The following KCNH2 variants were observed in gnomAD, a reference collection of about 807,000 sequenced individuals.
KCNH2 encodes voltage-gated inwardly rectifying potassium channel KCNH2.
KCNH2 carries 35 observed loss-of-function variants against 95.9 expected under a neutral mutation model. The observed-to-expected ratio is 0.37, with a 90% CI of 0.28 to 0.48. The LOEUF (loss-of-function observed/expected upper bound fraction) is 0.48, where lower values mean the gene tolerates loss of function less well. Ranked by LOEUF, KCNH2 falls within the 20% of genes least tolerant of loss-of-function variation. The pLI, the probability that KCNH2 is intolerant of heterozygous loss-of-function variation, is 0.99. For missense variants in KCNH2, 1,274 were observed against 1,702.9 expected, an observed-to-expected ratio of 0.75 and a Z score of 4.43; for synonymous variants, 786 against 754.7, an observed-to-expected ratio of 1.04 and a Z score of -0.68.
rs887948624 is a variant in KCNH2, at chr7:150,962,586, G to A, written c.308-2850C>T. ...AACTCTAGGTATACGCCACCTCACA[G>A]CACAAGCCTGTAACTCACACTTACA... On this transcript the variant is annotated intron_variant, in intron 2 of 14. Coordinates refer to ENST00000262186, the MANE Select transcript of KCNH2 (RefSeq NM_000238.4). This position sits in a 1 kb window ranked among gnomAD's most constrained non-coding sequence, Gnocchi z 5.7. Among the ~76,000 whole-genome samples the A allele has an allele frequency of 6.7e-6, 1 of 148,918 alleles. No individual in the cohort carries two copies. Among genetic ancestry groups the A allele is most frequent in the African/African-American group, 2.5e-5 (1 of 40,626 alleles).
chr7:150,975,087 C>G (rs1363462621), intron 1 of KCNH2, 146 bp from the exon 2 acceptor site: 7 of 696,116 alleles, frequency 1.0e-5, no homozygotes, highest in Middle Eastern at 4.0e-4. Context: ...CAGCAGGGGG[C>G]GAACGCAGCT....
chr7:150,957,936 A>T (rs1244344547), intron 4 of KCNH2, 123 bp downstream of exon 4: 4 of 721,496 alleles, frequency 5.5e-6, no homozygotes, highest in Non-Finnish European at 8.1e-6. Flanking sequence ...GCTTAATGGG[A>T]TTTCCATCTC....
chr7:150,955,506 A>C lies in KCNH2; in HGVS notation c.1128+1785T>G, dbSNP rs1419747077. The C allele has an allele frequency of 1.9e-6, 3 of 1,544,094 alleles. No individual in the cohort carries two copies. The Admixed American group carries it at 5.9e-5, about 30-fold the overall frequency. On this transcript the variant is annotated intron_variant, in intron 5 of 14. Transcript: ENST00000262186. Reference sequence around the variant, plus strand: ...GCCTTCCCGGCTGGGGCCGCCATGGAGGACTTGGCTCCCTGCAGCCTGCCT... The same window carrying C: ...GCCTTCCCGGCTGGGGCCGCCATGGCGGACTTGGCTCCCTGCAGCCTGCCT...
chr7:150,946,968 G>A lies in KCNH2; in HGVS notation c.3239C>T (p.Ala1080Val). Residue 1080 changes from alanine to valine, a missense_variant, in exon 14 of 15, where the codon GCT (alanine) becomes GTT (valine). By Grantham distance (64) the Ala-to-Val change is moderately conservative. Transcript: ENST00000262186. This position sits in a 1 kb window ranked among gnomAD's most constrained non-coding sequence, Gnocchi z 6.5. ...GGGGCCAGGCCCCGGGGTGGTCACA[G>A]CACTGTAGGCGGGCGGGACCAGCGT... ...QMTLVPPAYS[A>V]VTTPGPGPTS... is the part of the protein sequence containing the mutation. 6.2e-7 allele frequency: 1 copy of A among 1,609,496 alleles called. No individual in the cohort carries two copies. Among genetic ancestry groups the A allele is most frequent in the Non-Finnish European group, 8.5e-7 (1 of 1,176,872 alleles).
At chr7:150,976,730 A>ACT (rs762652126) in intron 1 of KCNH2, among the ~76,000 whole-genome samples, 5,333 of 132,386 alleles carry the variant, frequency 0.04, 131 homozygotes, top group Middle Eastern at 0.056. Context: ...AGAATCCAGC[A>ACT]CCCCCCCCCA....
intron 13 of KCNH2, 116 bp downstream of exon 13, chr7:150,947,212 G>T: frequency 1.7e-6 from 2 of 1,147,628 alleles, no homozygotes; most frequent in Non-Finnish European, 2.4e-6. Context: ...AGGAATGGAA[G>T]AAGGGGATCC....
Position 150,951,773 on chromosome 7 carries a change from A to G in KCNH2, c.1620T>C (p.Asp540=). 1 of 1,602,584 alleles carries G rather than the reference A, an allele frequency of 6.2e-7. No homozygotes were observed. The highest frequency in any genetic ancestry group is 2.2e-5 in the East Asian group (1 of 44,592). Residue 540 remains aspartate, a synonymous_variant, in exon 7 of 15, where the codon GAT becomes GAC. Transcript: ENST00000262186. Reference sequence around the variant, plus strand: ...CGGCCGCGCCGTACTCTGAGTAGCGATCCAGCTTCCGCGCCACGCGCACCA... The same window carrying G: ...CGGCCGCGCCGTACTCTGAGTAGCGGTCCAGCTTCCGCGCCACGCGCACCA... ...LRLVRVARKL[D]RYSEYGAAVL...
chr7:150,953,565 GACAC>G lies in KCNH2; in HGVS notation c.1129-716_1129-713del, dbSNP rs376679130. ...GTGCACACAGGGACTGCTCAGCAGTGACACACACAGCCCCTGTACCAGCTCACAC... is the reference window on the plus strand; with the variant it reads ...GTGCACACAGGGACTGCTCAGCAGTGACACAGCCCCTGTACCAGCTCACAC... On this transcript the variant is annotated intron_variant, in intron 5 of 14. Coordinates refer to ENST00000262186, the MANE Select transcript of KCNH2 (RefSeq NM_000238.4). Among the ~76,000 whole-genome samples, 905 of 152,244 alleles carry G rather than the reference GACAC, an allele frequency of 5.9e-3. 11 individuals carry two copies. Among genetic ancestry groups the G allele is most frequent in the African/African-American group, 0.021 (857 of 41,542 alleles).
chr7:150,946,904 G>T lies in KCNH2; in HGVS notation c.3303C>A (p.Pro1101=). ...GAGAAAGCGAGTCCAAGGTGAGGGTGGGGAGGGGGCTGACGGGCAACAGCG... is the reference window on the plus strand; with the variant it reads ...GAGAAAGCGAGTCCAAGGTGAGGGTTGGGAGGGGGCTGACGGGCAACAGCG... ...TSPLLPVSPL[P]TLTLDSLSQV... The change falls in exon 14 of 15, where the codon CCC becomes CCA. Residue 1101 remains proline, a synonymous_variant. Transcript: ENST00000262186. This position sits in a 1 kb window ranked among gnomAD's most constrained non-coding sequence, Gnocchi z 6.5. The T allele has an allele frequency of 6.3e-7, 1 of 1,599,258 alleles. No homozygotes were observed. The highest frequency in any genetic ancestry group is 8.5e-7 in the Non-Finnish European group (1 of 1,170,046).
chr7:150,962,627 CAGAGAG>C lies in KCNH2; in HGVS notation c.308-2897_308-2892del, dbSNP rs41307331. Among the ~76,000 whole-genome samples the C allele has an allele frequency of 2.1e-5, 3 of 146,264 alleles. No homozygotes were observed. The highest frequency in any genetic ancestry group is 2.2e-4 in the South Asian group (1 of 4,548). ...CACACTTACACACACACACGAGAGA[CAGAGAG>C]AGAGAGAGAGAGAGAGAGAGGAGTG... On this transcript the variant is annotated intron_variant, in intron 2 of 14. Transcript: ENST00000262186. This position sits in a 1 kb window ranked among gnomAD's most constrained non-coding sequence, Gnocchi z 5.7.
Position 150,958,500 on chromosome 7 carries a change from G to A in KCNH2, c.475C>T (p.Arg159Cys), listed in dbSNP as rs1212253240. 2.0e-6 allele frequency: 3 copies of A among 1,475,674 alleles called. No homozygotes were observed. The highest frequency in any genetic ancestry group is 1.8e-6 in the Non-Finnish European group (2 of 1,120,058). The allele number at this position is 1,475,674 out of a possible 1,614,324, so 91.4% of individuals were successfully genotyped here. A position where few individuals can be genotyped will look rare whatever the true frequency, so the allele number is the denominator to read the frequency against. The change falls in exon 4 of 15, where the codon CGC becomes TGC. Residue 159 changes from arginine (R) to cysteine (C), a missense_variant and splice_region_variant. This residue lies in a region of KCNH2 where 392 missense variants were observed against 429.9 expected (regional missense o/e 0.91). Transcript: ENST00000262186. The part of the protein sequence containing the change: ...GPPTSWLAPG[R>C]AKTFRLKLPA... ...AGCTTCAGGCGGAAGGTCTTGGCGC[G>A]GCCTGCGGGAGAGGAGAGGCACGTG...
intron 2 of KCNH2, among the ~76,000 whole-genome samples, chr7:150,960,145 C>T (rs1226885285): frequency 8.1e-6 from 1 of 123,178 alleles, no homozygotes; most frequent in African/African-American, 3.4e-5. Flanking sequence ...CTTAAGCCCA[C>T]AGACTTTAGG....
At position 150,950,932 on chromosome 7, in the gene KCNH2, C is replaced by G; in HGVS notation, c.2134G>C (p.Asp712His). Residue 712 changes from aspartate to histidine, a missense_variant, in exon 8 of 15, where the codon GAC (aspartate) becomes CAC (histidine). Physicochemically the swap from Asp to His is moderately conservative, Grantham distance 81. Coordinates refer to ENST00000262186, the MANE Select transcript of KCNH2 (RefSeq NM_000238.4). Reference protein sequence around the residue: ...QHAWSYTNGIDMNAVLKGFPE... With the variant: ...QHAWSYTNGIHMNAVLKGFPE... ...TCTGGTGGCCTCACCGCGTTCATGT[C>G]GATGCCGTTGGTGTAGGACCAGGCG... The G allele has an allele frequency of 6.2e-7, 1 of 1,614,154 alleles. No homozygotes were observed. The highest frequency in any genetic ancestry group is 8.5e-7 in the Non-Finnish European group (1 of 1,180,020).
chr7:150,955,661 G>A, intron 5 of KCNH2: 3 of 1,406,646 alleles, frequency 2.1e-6, no homozygotes, highest in Non-Finnish European at 2.8e-6. Context: ...GGTGGTTGTG[G>A]CTGGGCCCCA....
intron 2 of KCNH2, among the ~76,000 whole-genome samples, chr7:150,967,351 A>T (rs1026039139): frequency 6.6e-6 from 1 of 152,380 alleles, no homozygotes; most frequent in South Asian, 2.1e-4. Context: ...GTCAGCCTTT[A>T]AAAAACAGAA....
In KCNH2 at chr7:150,958,265, G is replaced by T. The variant is rs1554427821; in HGVS notation, c.710C>A (p.Pro237His). Residue 237 changes from proline to histidine, a missense_variant, in exon 4 of 15, where the codon CCC (proline) becomes CAC (histidine). This residue lies in a region of KCNH2 where 392 missense variants were observed against 429.9 expected (regional missense o/e 0.91). Transcript: ENST00000262186. ...GGGCGCGCTGCGGGGCGGAGAGCCG[G>T]GACCCACCAGCGCACGCCGCTCCTC... ...PAEERRALVG[P>H]GSPPRSAPGQ... is the part of the protein sequence containing the mutation. The T allele has an allele frequency of 6.9e-7, 1 of 1,446,202 alleles. No homozygotes were observed. Among genetic ancestry groups the T allele is most frequent in the Non-Finnish European group, 9.1e-7 (1 of 1,102,914 alleles). 89.6% of individuals were successfully genotyped at this position (1,446,202 alleles called of 1,614,324 possible).
chr7:150,977,788 T>A, intron 1 of KCNH2, 50 bp downstream of exon 1: 2 of 1,107,416 alleles, frequency 1.8e-6, no homozygotes, highest in Non-Finnish European at 2.5e-6. Context: ...TCGGAAGAGC[T>A]CGGCCCGCCC....
intron 5 of KCNH2, chr7:150,955,765 C>T (rs1478565050): frequency 8.1e-6 from 10 of 1,231,752 alleles, no homozygotes; most frequent in African/African-American, 1.6e-5. Flanking sequence ...GCCAGGGTGC[C>T]GTGCTCTGCC....
intron 2 of KCNH2, among the ~76,000 whole-genome samples, chr7:150,963,606 C>T (rs1233977846): frequency 6.6e-6 from 1 of 151,798 alleles, no homozygotes; most frequent in African/African-American, 2.4e-5. Context: ...ACCCCACTCC[C>T]ACCCCAGCCT....
Sources: gnomAD v4.1 joint callset for allele counts (sites outside exome capture counted in the v4.1 genomes callset) on GRCh38, gnomAD v4.1.1 for gene constraint, gnomAD v4.1.1 regional missense constraint, Gnocchi (gnomAD v3.1) non-coding constraint, MANE v1.5 for transcripts, NCBI Gene and HGNC (gene_info 2026-07-23, HGNC 2026-07-21) for gene names.